Variants in TXLNG observed in about 807,000 individuals in gnomAD.
The protein encoded by TXLNG is taxilin gamma.
A neutral mutation model predicts 38.8 loss-of-function variants in TXLNG; 5 were observed. The ratio of observed to expected loss-of-function variants is 0.13; its 90% CI spans 0.07 to 0.27. The LOEUF is 0.27. Ranked by LOEUF, TXLNG falls within the 10% of genes least tolerant of loss-of-function variation. The pLI is 1.00. For synonymous variants in TXLNG, 182 were observed against 158.2 expected (o/e 1.15, Z -1.13); for missense variants, 393 against 398.2 (o/e 0.99, Z 0.11).
chrX:16,806,916 C>CAAAAA, intron 1 of TXLNG, among the ~76,000 whole-genome samples: 1 of 38,919 alleles, frequency 2.6e-5, no homozygotes, highest in Non-Finnish European at 4.7e-5. Flanking sequence ...GACTCTGTCT[C>CAAAAA]AAAAAAAAAA....
intron 4 of TXLNG, among the ~76,000 whole-genome samples, chrX:16,829,250 G>A (rs1172200685): frequency 8.9e-6 from 1 of 111,990 alleles, no homozygotes; most frequent in East Asian, 2.8e-4. Context: ...GACCCAGAAA[G>A]TAAGCTGCAA....
chrX:16,822,217 T>C (rs1928999703), intron 3 of TXLNG, among the ~76,000 whole-genome samples: 1 of 107,503 alleles, frequency 9.3e-6, no homozygotes, highest in African/African-American at 3.4e-5. Context: ...GGCGGGTGCA[T>C]GTAGTCCCAG....
At chrX:16,839,950 T>TA (rs753659292) in intron 9 of TXLNG, 34 bp downstream of exon 9, 38 of 1,055,157 alleles carry the variant, frequency 3.6e-5, no homozygotes, top group East Asian at 9.4e-5. Flanking sequence ...GGTGTAGTCT[T>TA]AGTCATGGGG....
rs1927489015 is a variant in TXLNG at position 16,786,535 on chromosome X, C to G, written c.48C>G (p.Ala16=). Residue 16 remains alanine, a synonymous_variant, in exon 1 of 10, where the codon GCC becomes GCG. Transcript: ENST00000380122. The part of the protein sequence containing the change: ...EEAARGRGGG[A]EEATEAGRGG... Reference sequence around the variant, plus strand: ...CAGCGCGGGGAAGAGGCGGCGGCGCCGAAGAGGCGACTGAGGCCGGACGGG... The same window carrying G: ...CAGCGCGGGGAAGAGGCGGCGGCGCGGAAGAGGCGACTGAGGCCGGACGGG... 2 of 1,101,534 alleles carry G rather than the reference C, an allele frequency of 1.8e-6. No individual in the cohort carries two copies. Among genetic ancestry groups the G allele is most frequent in the Non-Finnish European group, 2.4e-6 (2 of 844,652 alleles). 90.8% of individuals were successfully genotyped at this position (1,101,534 alleles called of 1,213,427 possible). A position where few individuals can be genotyped will look rare whatever the true frequency, so the allele number is the denominator to read the frequency against.
At chrX:16,794,787 C>G (rs1006531961) in intron 1 of TXLNG, among the ~76,000 whole-genome samples, 1 of 111,415 alleles carries the variant, frequency 9.0e-6, no homozygotes, top group Non-Finnish European at 1.9e-5. Flanking sequence ...CAGCCCCTGT[C>G]CTGTAAATAG....
chrX:16,790,408 C>T (rs901634178), intron 1 of TXLNG, among the ~76,000 whole-genome samples: 1 of 109,937 alleles, frequency 9.1e-6, no homozygotes, highest in South Asian at 3.9e-4. Flanking sequence ...TGCTATGTTG[C>T]CCAGGCTGGT....
chrX:16,811,933 C>T (rs936375209), intron 1 of TXLNG, among the ~76,000 whole-genome samples: 1 of 110,863 alleles, frequency 9.0e-6, no homozygotes, highest in African/African-American at 3.3e-5. Context: ...AGTCACCGCA[C>T]CCGACCCTGA....
intron 1 of TXLNG, among the ~76,000 whole-genome samples, chrX:16,815,249 C>T (rs781585283): frequency 9.0e-6 from 1 of 111,258 alleles, no homozygotes; most frequent in East Asian, 2.8e-4. Flanking sequence ...GATCTAGGCT[C>T]ACGGCAACCT....
intron 1 of TXLNG, among the ~76,000 whole-genome samples, chrX:16,803,844 C>T (rs774475549): frequency 4.3e-3 from 475 of 109,408 alleles, no homozygotes; most frequent in African/African-American, 0.013. Flanking sequence ...CTCAGCTACT[C>T]GGAGGTCTGA....
chrX:16,828,424 A>G (rs1929253548), intron 4 of TXLNG, among the ~76,000 whole-genome samples, 160 bp downstream of exon 4: 1 of 112,175 alleles, frequency 8.9e-6, no homozygotes, highest in African/African-American at 3.2e-5. Context: ...GTCATTGTAA[A>G]TGTAAGACCA....
intron 1 of TXLNG, among the ~76,000 whole-genome samples, chrX:16,817,437 T>C (rs1928786981): frequency 8.9e-6 from 1 of 112,467 alleles, no homozygotes. Flanking sequence ...CCTCCTACTT[T>C]GATATTTTGA....
rs779751784 is a variant in TXLNG, at chrX:16,833,479, G to A, written c.984+737G>A. Reference sequence around the variant, plus strand: ...AAGATTCAGTTCCTGAGTGGCCCTCGTCATGCGGGCATGTCACACTGAGTG... The same window carrying A: ...AAGATTCAGTTCCTGAGTGGCCCTCATCATGCGGGCATGTCACACTGAGTG... On this transcript the variant is annotated intron_variant, in intron 6 of 9. Transcript: ENST00000380122. Among the ~76,000 whole-genome samples the A allele has an allele frequency of 1.1e-4, 12 of 112,042 alleles. No homozygotes were observed. The South Asian group carries it at 3.7e-3, about 34-fold the overall frequency.
chrX:16,807,120 AAAC>A (rs1468061002), intron 1 of TXLNG, among the ~76,000 whole-genome samples: 1 of 110,581 alleles, frequency 9.0e-6, no homozygotes, highest in African/African-American at 3.3e-5. Context: ...CAAAATTAAA[AAAC>A]AACAAACTAA....
chrX:16,787,718 A>G (rs1010149637), intron 1 of TXLNG, among the ~76,000 whole-genome samples: 16 of 111,850 alleles, frequency 1.4e-4, no homozygotes, highest in African/African-American at 5.2e-4. Context: ...TTTTCCTTGC[A>G]GGTGAACATA....
intron 1 of TXLNG, among the ~76,000 whole-genome samples, chrX:16,813,975 A>G (rs1928635553): frequency 9.1e-6 from 1 of 110,400 alleles, no homozygotes; most frequent in African/African-American, 3.3e-5. Context: ...AGTCCCAGCT[A>G]CTCGGGAGGC....
At chrX:16,831,025 C>T (rs1257877894) in intron 5 of TXLNG, among the ~76,000 whole-genome samples, 2 of 110,428 alleles carry the variant, frequency 1.8e-5, no homozygotes, top group Non-Finnish European at 3.8e-5. Flanking sequence ...ATCTCTGTTC[C>T]CCTAGATTAT....
intron 4 of TXLNG, among the ~76,000 whole-genome samples, 172 bp downstream of exon 4, chrX:16,828,436 T>G (rs1929254112): frequency 1.8e-5 from 2 of 112,278 alleles, no homozygotes; most frequent in Admixed American, 9.4e-5. Context: ...GTAAGACCAA[T>G]TCTTTCTACG....
intron 1 of TXLNG, among the ~76,000 whole-genome samples, chrX:16,787,739 C>T (rs1248571568): frequency 9.0e-6 from 1 of 111,474 alleles, no homozygotes; most frequent in Admixed American, 9.6e-5. Context: ...CTGAAACGTT[C>T]GACTTGTTGG....
intron 1 of TXLNG, among the ~76,000 whole-genome samples, chrX:16,790,242 T>C (rs991541403): frequency 8.9e-6 from 1 of 112,102 alleles, no homozygotes; most frequent in African/African-American, 3.2e-5. Context: ...TTTTGACAAA[T>C]GTGTAGTGAC....
Sources: allele counts gnomAD v4.1 joint callset (sites outside exome capture counted in the v4.1 genomes callset), GRCh38; gene constraint gnomAD v4.1.1; transcripts MANE v1.5; gene names NCBI Gene and HGNC (gene_info 2026-07-23, HGNC 2026-07-21).